Variants in DLG5 observed in about 807,000 individuals in gnomAD.
The protein encoded by DLG5 is disks large homolog 5.
DLG5 carries 48 observed loss-of-function variants against 189.8 expected under a neutral mutation model. The ratio of observed to expected loss-of-function variants is 0.25; its 90% CI spans 0.20 to 0.32. The LOEUF (loss-of-function observed/expected upper bound fraction) is 0.32. Ranked by LOEUF, DLG5 falls within the 10% of genes least tolerant of loss-of-function variation. DLG5 has a pLI of 1.00. For missense variants in DLG5, 2,160 were observed against 2,544.7 expected (o/e 0.85, Z 3.25); for synonymous variants, 1,016 against 1,054.1 (o/e 0.96, Z 0.70).
chr10:77,879,958 G>T (rs114287382), intron 1 of DLG5, among the ~76,000 whole-genome samples: 20 of 152,222 alleles, frequency 1.3e-4, no homozygotes, highest in African/African-American at 4.3e-4. Flanking sequence ...GATGTAATCT[G>T]AGAATTGTCA....
At chr10:77,917,113 T>C (rs1156293696) in intron 1 of DLG5, among the ~76,000 whole-genome samples, 1 of 151,654 alleles carries the variant, frequency 6.6e-6, no homozygotes. Context: ...GGCGGCCAGA[T>C]CGCTTGAATC....
intron 2 of DLG5, among the ~76,000 whole-genome samples, chr10:77,862,812 C>G (rs567527503): frequency 1.3e-5 from 2 of 152,228 alleles, no homozygotes; most frequent in South Asian, 4.1e-4. Context: ...TCAAAAGAAG[C>G]CTGACTCTAA....
In DLG5 at chr10:77,796,119, C is replaced by T. The variant is rs774508350; in HGVS notation, c.5378G>A (p.Arg1793Gln). ...GGTCACATCGAAATGGCCGCTTCTC[C>T]GCTTATAGTCGACAAACAGGCAATC... ...VKDCLFVDYK[R>Q]RSGHFDVTTV... is the part of the protein sequence containing the mutation. The change falls in exon 29 of 32, where the codon CGG becomes CAG. Residue 1793 changes from arginine (R) to glutamine (Q), a missense_variant. By Grantham distance (43) the Arg-to-Gln change is conservative (BLOSUM62 1). Transcript: ENST00000372391. The surrounding 1 kb of genome is among the most constrained non-coding windows in gnomAD (Gnocchi z 5.2). 3.7e-6 allele frequency: 6 copies of T among 1,614,176 alleles called. No individual in the cohort carries two copies. Among genetic ancestry groups the T allele is most frequent in the South Asian group, 1.1e-5 (1 of 91,076 alleles).
chr10:77,827,593 C>G lies in DLG5; in HGVS notation c.2289+1289G>C, dbSNP rs532686428. Among the ~76,000 whole-genome samples, 6 of 152,300 alleles carry G rather than the reference C, an allele frequency of 3.9e-5. No individual in the cohort carries two copies. In the South Asian group the frequency reaches 1.2e-3, roughly 32 times the overall value. On this transcript the variant is annotated intron_variant, in intron 13 of 31. Transcript: ENST00000372391. ...GTCCTATGACTCAGCAATCTCACGG[C>G]ATTTGTAGCTTAGTCTCAGAGATAC...
chr10:77,792,191 C>A lies in DLG5; in HGVS notation c.*249G>T. The A allele has an allele frequency of 1.9e-6, 1 of 538,206 alleles. No individual in the cohort carries two copies. The highest frequency in any genetic ancestry group is 3.3e-6 in the Non-Finnish European group (1 of 301,856). 33.3% of individuals were successfully genotyped at this position (538,206 alleles called of 1,614,324 possible). A position where few individuals can be genotyped will look rare whatever the true frequency, so the allele number is the denominator to read the frequency against. Reference sequence around the variant, plus strand: ...TGGCTAAAGAAAGGTGGGTGCTGAACCCGTCTTTAGTGTTATCTGTTTTGT... The same window carrying A: ...TGGCTAAAGAAAGGTGGGTGCTGAAACCGTCTTTAGTGTTATCTGTTTTGT... On this transcript the variant is annotated 3_prime_UTR_variant, in exon 32 of 32. Coordinates refer to ENST00000372391, the MANE Select transcript of DLG5 (RefSeq NM_004747.4).
chr10:77,846,437 G>A (rs907911555), intron 5 of DLG5, among the ~76,000 whole-genome samples: 1 of 152,142 alleles, frequency 6.6e-6, no homozygotes, highest in Non-Finnish European at 1.5e-5. Context: ...AGTGGCTCAC[G>A]CCTGTAATCC....
chr10:77,901,877 G>A (rs148749735), intron 1 of DLG5, among the ~76,000 whole-genome samples: 117 of 152,300 alleles, frequency 7.7e-4, no homozygotes, highest in Middle Eastern at 6.8e-3. Flanking sequence ...ATCTGGCCTG[G>A]CCCAGCCAGA....
intron 2 of DLG5, chr10:77,867,788 CG>C (rs1564563113): frequency 2.7e-6 from 1 of 369,560 alleles, no homozygotes; most frequent in Non-Finnish European, 5.4e-6. Context: ...AGGGGAGTCC[CG>C]AGAGGGACAC....
intron 27 of DLG5, among the ~76,000 whole-genome samples, chr10:77,801,991 C>T (rs115028724): frequency 0.015 from 2,253 of 152,226 alleles, 54 homozygotes; most frequent in African/African-American, 0.052. Context: ...ACGTGGAGGA[C>T]GAGGTGACGT....
upstream of DLG5, among the ~76,000 whole-genome samples, chr10:77,930,543 T>G (rs544048663): frequency 1.3e-5 from 2 of 151,814 alleles, no homozygotes; most frequent in Admixed American, 1.3e-4. Context: ...AGACGGGGGT[T>G]TCTCCATGTT....
chr10:77,805,684 G>C lies in DLG5; in HGVS notation c.5145C>G (p.Asp1715Glu). 6.2e-7 allele frequency: 1 copy of C among 1,612,650 alleles called. No homozygotes were observed. The part of the protein sequence containing the change: ...DLLALDAFSS[D>E]SIPLFEDSVS... ...ACTTGCCTTCAAAGAGTGGAATGGA[G>C]TCACTGGAAAAGGCATCCAAGGCGA... Residue 1715 changes from aspartate to glutamate, a missense_variant, in exon 27 of 32, where the codon GAC becomes GAG. Around this residue, in one of 5 missense-constraint regions of DLG5, gnomAD observed 574 missense variants for 644.2 expected, o/e 0.89. Coordinates refer to ENST00000372391, the MANE Select transcript of DLG5 (RefSeq NM_004747.4).
At position 77,926,220 on chromosome 10, in the gene DLG5, C is replaced by A. The variant is rs764810834; in HGVS notation, c.301G>T (p.Ala101Ser). 6.6e-7 allele frequency: 1 copy of A among 1,507,158 alleles called. No individual in the cohort carries two copies. Among genetic ancestry groups the A allele is most frequent in the Admixed American group, 2.0e-5 (1 of 50,514 alleles). 93.4% of individuals were successfully genotyped at this position (1,507,158 alleles called of 1,614,324 possible). Residue 101 changes from alanine to serine, a missense_variant, in exon 1 of 32, where the codon GCG becomes TCG. Ala to Ser is a moderately conservative substitution (Grantham distance 99). This residue lies in a region of DLG5 where 664 missense variants were observed against 838.5 expected (regional missense o/e 0.79). Coordinates refer to ENST00000372391, the MANE Select transcript of DLG5 (RefSeq NM_004747.4). The surrounding 1 kb of genome is among the most constrained non-coding windows in gnomAD (Gnocchi z 5.2). ...GGGCCAAGGGTCTGCCACTCACCCGCGCCTTCGGCGGGCTGCGGCGGCCCG... is the reference window on the plus strand; with the variant it reads ...GGGCCAAGGGTCTGCCACTCACCCGAGCCTTCGGCGGGCTGCGGCGGCCCG... ...VVGPPQPAEGAGSTYSVLSTM... is the reference protein window; with the variant it reads ...VVGPPQPAEGSGSTYSVLSTM...
intron 1 of DLG5, among the ~76,000 whole-genome samples, chr10:77,925,286 G>A (rs1365992296): frequency 6.6e-6 from 1 of 152,182 alleles, no homozygotes; most frequent in Non-Finnish European, 1.5e-5. Flanking sequence ...TGATAAAGCA[G>A]AGCGCCTGCC....
At chr10:77,843,403 T>C in intron 6 of DLG5, 44 bp downstream of exon 6, 3 of 1,602,872 alleles carry the variant, frequency 1.9e-6, no homozygotes, top group Non-Finnish European at 2.6e-6. Flanking sequence ...CTGGGAACCT[T>C]ATAGGACCCA....
chr10:77,908,245 CTG>C lies in DLG5; in HGVS notation c.304+17970_304+17971del, dbSNP rs1329416057. ...CCCACTGTAACTCTCAGAGTTGAAA[CTG>C]GGGAGAACGCTGGCTTTCCAATCCT... On this transcript the variant is annotated intron_variant, in intron 1 of 31. Transcript: ENST00000372391. Among the ~76,000 whole-genome samples, 4 of 152,340 alleles carry C rather than the reference CTG, an allele frequency of 2.6e-5. No individual in the cohort carries two copies. In the East Asian group the frequency reaches 5.8e-4, roughly 22 times the overall value.
intron 1 of DLG5, among the ~76,000 whole-genome samples, chr10:77,914,929 T>C (rs771807216): frequency 1.3e-5 from 2 of 152,220 alleles, no homozygotes; most frequent in Non-Finnish European, 2.9e-5. Flanking sequence ...GGCTTCATTC[T>C]TGGCGAACTC....
chr10:77,800,235 C>T (rs1299470904), intron 27 of DLG5, among the ~76,000 whole-genome samples: 1 of 152,228 alleles, frequency 6.6e-6, no homozygotes, highest in African/African-American at 2.4e-5. Flanking sequence ...AATGGAACAG[C>T]TTGCAGCATC....
At chr10:77,921,825 C>T (rs916747972) in intron 1 of DLG5, among the ~76,000 whole-genome samples, 5 of 152,234 alleles carry the variant, frequency 3.3e-5, no homozygotes, top group African/African-American at 9.6e-5. Context: ...AGAGGAGGCA[C>T]AGGAGGTGTG....
intron 1 of DLG5, among the ~76,000 whole-genome samples, chr10:77,900,632 T>C (rs1034991310): frequency 6.6e-6 from 1 of 151,922 alleles, no homozygotes; most frequent in Non-Finnish European, 1.5e-5. Context: ...AAACCCCGTC[T>C]CTACTAAAAA....
Sources: allele counts gnomAD v4.1 joint callset (sites outside exome capture counted in the v4.1 genomes callset), GRCh38; gene constraint gnomAD v4.1.1; regional missense constraint gnomAD v4.1.1; non-coding constraint Gnocchi (gnomAD v3.1); transcripts MANE v1.5; gene names NCBI Gene and HGNC (gene_info 2026-07-23, HGNC 2026-07-21).